Variants in TRPA1 observed in about 807,000 individuals in gnomAD.
TRPA1 encodes ankyrin-like with transmembrane domains 1.
In TRPA1, 129 loss-of-function variants were observed where a neutral mutation model predicts 131.3. That is an observed-to-expected ratio of 0.98 (90% CI 0.85 to 1.14). The LOEUF (loss-of-function observed/expected upper bound fraction) is 1.14. Ranked by LOEUF, TRPA1 falls within the 50% of genes most tolerant of loss-of-function variation. The probability of loss-of-function intolerance (pLI) is 0.00; values close to 1 mark genes in which losing one functional copy is unlikely to be tolerated. For synonymous variants in TRPA1, 441 were observed against 451.7 expected, an observed-to-expected ratio of 0.98 and a Z score of 0.30; for missense variants, 1,304 against 1,354.2, an observed-to-expected ratio of 0.96 and a Z score of 0.58.
intron 11 of TRPA1, 25 bp from the exon 12 acceptor site, chr8:72,055,625 T>G (rs1395894512): frequency 6.2e-7 from 1 of 1,613,510 alleles, no homozygotes; most frequent in Non-Finnish European, 8.5e-7. Context: ...GGTTTCATAT[T>G]TTCAAGGCAA....
chr8:72,076,824 G>A (rs1271600951), upstream of TRPA1, among the ~76,000 whole-genome samples: 2 of 152,208 alleles, frequency 1.3e-5, no homozygotes, highest in Non-Finnish European at 2.9e-5. Context: ...GAGTCCATGA[G>A]TATGGCTTGC....
intron 23 of TRPA1, among the ~76,000 whole-genome samples, chr8:72,032,609 T>A (rs1811869594): frequency 6.6e-6 from 1 of 152,188 alleles, no homozygotes; most frequent in Non-Finnish European, 1.5e-5. Flanking sequence ...GTTTGGATCT[T>A]CAGAATGGGG....
chr8:72,068,103 C>T, intron 3 of TRPA1, among the ~76,000 whole-genome samples: 1 of 152,202 alleles, frequency 6.6e-6, no homozygotes, highest in South Asian at 2.1e-4. Context: ...AAAGTGGCTC[C>T]TCTCAAACCT....
At chr8:72,036,005 C>CAAAAAAAAAAAAAA (rs58197251) in intron 21 of TRPA1, among the ~76,000 whole-genome samples, 1 of 44,966 alleles carries the variant, frequency 2.2e-5, no homozygotes, top group Non-Finnish European at 3.9e-5. Flanking sequence ...TCCCCCTCCA[C>CAAAAAAAAAAAAAA]AAAAAAAAAA....
the TRPA1 span, among the ~76,000 whole-genome samples, chr8:72,084,592 T>TA: frequency 3.3e-5 from 5 of 151,798 alleles, no homozygotes; most frequent in African/African-American, 1.2e-4. Flanking sequence ...AAAATTATCT[T>TA]ACTTTATTTA....
intron 25 of TRPA1, among the ~76,000 whole-genome samples, 195 bp downstream of exon 25, chr8:72,025,765 A>G (rs933496030): frequency 1.3e-5 from 2 of 152,182 alleles, no homozygotes; most frequent in Admixed American, 6.5e-5. Flanking sequence ...GAAAGGGGAG[A>G]GCAAACGTCA....
intron 3 of TRPA1, among the ~76,000 whole-genome samples, chr8:72,068,648 A>C (rs1010688643): frequency 2.6e-5 from 4 of 152,198 alleles, no homozygotes; most frequent in Non-Finnish European, 4.4e-5. Context: ...AAAATTCCTT[A>C]GTCTTGCATT....
chr8:72,030,186 G>A (rs1327678057), intron 23 of TRPA1, among the ~76,000 whole-genome samples: 1 of 152,132 alleles, frequency 6.6e-6, no homozygotes, highest in African/African-American at 2.4e-5. Flanking sequence ...ATTCCTCATA[G>A]GTGGCACCTT....
chr8:72,075,516 G>T lies in TRPA1; in HGVS notation c.-107C>A, dbSNP rs1255103109. ...CAGGCGCTGGGGTCCGCGCGAGCCC[G>T]AGCTCTCCCGCGCTGCAGCTCACAG... On this transcript the variant is annotated 5_prime_UTR_variant, in exon 1 of 27. Coordinates refer to ENST00000262209, the MANE Select transcript of TRPA1 (RefSeq NM_007332.3). 2.2e-6 allele frequency: 2 copies of T among 898,664 alleles called. No homozygotes were observed. The highest frequency in any genetic ancestry group is 1.6e-5 in the African/African-American group (1 of 61,748). The allele number at this position is 898,664 out of a possible 1,614,324, so 55.7% of individuals were successfully genotyped here.
upstream of TRPA1, among the ~76,000 whole-genome samples, chr8:72,080,023 C>T (rs1418920133): frequency 6.6e-6 from 1 of 151,872 alleles, no homozygotes; most frequent in African/African-American, 2.4e-5. Flanking sequence ...GTATTACTAA[C>T]TTTGCTTATT....
At chr8:72,065,373 G>A in intron 4 of TRPA1, 78 bp downstream of exon 4, 1 of 1,273,006 alleles carries the variant, frequency 7.9e-7, no homozygotes, top group Non-Finnish European at 1.1e-6. Flanking sequence ...AAACTTAAGA[G>A]ATTTTGTAAA....
In TRPA1 at chr8:72,052,586, G is replaced by T. The variant is rs755776100; in HGVS notation, c.1811+13C>A. 6.2e-7 allele frequency: 1 copy of T among 1,613,290 alleles called. No homozygotes were observed. The highest frequency in any genetic ancestry group is 1.7e-5 in the Admixed American group (1 of 59,948). On this transcript the variant is annotated intron_variant, in intron 14 of 26. Coordinates refer to ENST00000262209, the MANE Select transcript of TRPA1 (RefSeq NM_007332.3). ...GAGAACACTAAATGACAGTGGACAG[G>T]AAGACAGTGTACCTTTTGCTCCTGA...
intron 15 of TRPA1, among the ~76,000 whole-genome samples, chr8:72,049,201 T>A (rs1805430885): frequency 1.3e-5 from 2 of 152,154 alleles, no homozygotes; most frequent in African/African-American, 4.8e-5. Context: ...AATAACCACA[T>A]AAGCAGCACA....
At chr8:72,080,674 C>T in the TRPA1 span, among the ~76,000 whole-genome samples, 1,971 of 151,780 alleles carry the variant, frequency 0.013, 47 homozygotes, top group African/African-American at 0.044. Flanking sequence ...TAATAGAATT[C>T]ACCAGTGCAG....
chr8:72,053,001 TAGAGAAAG>T lies in TRPA1; in HGVS notation c.1645-244_1645-237del, dbSNP rs1412302308. On this transcript the variant is annotated intron_variant, in intron 13 of 26. Transcript: ENST00000262209. Reference sequence around the variant, plus strand: ...TGTGTGTGTGTGTGTGTGTGAGAGATAGAGAAAGAGAGAGAGAGAGAGAGAGAGAGAGA... The same window carrying T: ...TGTGTGTGTGTGTGTGTGTGAGAGATAGAGAGAGAGAGAGAGAGAGAGAGA... The T allele has an allele frequency of 3.6e-4, 71 of 196,040 alleles. 1 individual carries two copies. Among genetic ancestry groups the T allele is most frequent in the African/African-American group, 2.5e-3 (52 of 20,482 alleles). 12.1% of individuals were successfully genotyped at this position (196,040 alleles called of 1,614,324 possible). A position where few individuals can be genotyped will look rare whatever the true frequency, so the allele number is the denominator to read the frequency against.
In TRPA1 at chr8:72,062,830, A is replaced by G. The variant is rs1371789260; in HGVS notation, c.776T>C (p.Leu259Pro). The change falls in exon 6 of 27, where the codon CTG becomes CCG. Residue 259 changes from leucine to proline, a missense_variant. Transcript: ENST00000262209. ...TGGGTCTATTTGTGCACCATTGTCC[A>G]GGCACATTTTGATCATTTCCAAGTC... is the stretch of plus-strand genomic sequence containing the variant. ...NGDLEMIKMC[L>P]DNGAQIDPVE... 1.5e-5 allele frequency: 24 copies of G among 1,613,988 alleles called. No homozygotes were observed. Among genetic ancestry groups the G allele is most frequent in the Non-Finnish European group, 1.9e-5 (23 of 1,179,998 alleles).
upstream of TRPA1, among the ~76,000 whole-genome samples, chr8:72,078,378 T>C (rs141048057): frequency 2.4e-4 from 36 of 152,234 alleles, no homozygotes; most frequent in East Asian, 7.7e-4. Context: ...AAAGTTTCCT[T>C]AGACCCAGAT....
intron 17 of TRPA1, among the ~76,000 whole-genome samples, chr8:72,044,430 A>G (rs777671485): frequency 9.2e-5 from 14 of 152,032 alleles, no homozygotes; most frequent in Non-Finnish European, 1.9e-4. Flanking sequence ...TGCTTTCATT[A>G]AAACAATCCT....
the TRPA1 span, among the ~76,000 whole-genome samples, chr8:72,089,292 T>C: frequency 2.0e-5 from 3 of 152,144 alleles, no homozygotes; most frequent in African/African-American, 2.4e-5. Flanking sequence ...GGAAGTACAA[T>C]TTAAGGTACT....
Sources: gnomAD v4.1 joint callset for allele counts (sites outside exome capture counted in the v4.1 genomes callset) on GRCh38, gnomAD v4.1.1 for gene constraint, MANE v1.5 for transcripts, NCBI Gene and HGNC (gene_info 2026-07-23, HGNC 2026-07-21) for gene names.